The following ESRRA variants were observed in gnomAD, a reference collection of about 807,000 sequenced individuals.
ESRRA encodes the protein steroid hormone receptor ERR1.
A neutral mutation model predicts 35.6 loss-of-function variants in ESRRA; 7 were observed. The ratio of observed to expected loss-of-function variants is 0.20; its 90% CI spans 0.11 to 0.37. ESRRA has a LOEUF of 0.37. ESRRA is among the 10% of genes least tolerant of loss of function. ESRRA has a pLI of 1.00. For missense variants in ESRRA, 378 were observed against 561.7 expected, an observed-to-expected ratio of 0.67 and a Z score of 3.31; for synonymous variants, 223 against 246.9, an observed-to-expected ratio of 0.90 and a Z score of 0.91.
chr11:64,310,449 T>C (rs2035118071), intron 2 of ESRRA, among the ~76,000 whole-genome samples: 1 of 151,406 alleles, frequency 6.6e-6, no homozygotes, highest in African/African-American at 2.4e-5. Context: ...TTAGCCAAGA[T>C]GGTCTTGATT....
chr11:64,310,931 C>T (rs1462728895), intron 2 of ESRRA, among the ~76,000 whole-genome samples: 2 of 152,258 alleles, frequency 1.3e-5, no homozygotes, highest in East Asian at 1.9e-4. Flanking sequence ...GTGAGCCAGC[C>T]GGCCAGGGTG....
intron 2 of ESRRA, among the ~76,000 whole-genome samples, chr11:64,311,456 C>A (rs1374929108): frequency 6.6e-6 from 1 of 151,026 alleles, no homozygotes; most frequent in Non-Finnish European, 1.5e-5. Flanking sequence ...CGCTTTGTTG[C>A]CCAGGCTAGA....
chr11:64,311,841 C>A (rs1222828539), intron 2 of ESRRA, among the ~76,000 whole-genome samples: 1 of 151,444 alleles, frequency 6.6e-6, no homozygotes, highest in Non-Finnish European at 1.5e-5. Flanking sequence ...TACAGGCACA[C>A]GCCCAGCTAA....
In ESRRA at chr11:64,316,169, CT is replaced by C; in HGVS notation, c.*204del. ...CAGAAGCTGGGAACGTGTGTCCAGGCTCTGGGCACAGTGCTGCCCCTTGCAA... is the reference window on the plus strand; with the variant it reads ...CAGAAGCTGGGAACGTGTGTCCAGGCCTGGGCACAGTGCTGCCCCTTGCAA... On this transcript the variant is annotated 3_prime_UTR_variant, in exon 7 of 7. Transcript: ENST00000000442. 1 of 614,234 alleles carries C rather than the reference CT, an allele frequency of 1.6e-6. No individual in the cohort carries two copies. The highest frequency in any genetic ancestry group is 2.8e-6 in the Non-Finnish European group (1 of 357,626). The allele number at this position is 614,234 out of a possible 1,614,324, so 38.0% of individuals were successfully genotyped here.
chr11:64,307,105 G>A, intron 1 of ESRRA, 63 bp from the exon 2 acceptor site: 1 of 1,392,672 alleles, frequency 7.2e-7, no homozygotes, highest in Non-Finnish European at 9.7e-7. Context: ...AACCCGTGTG[G>A]CAGGGTGTCT....
intron 2 of ESRRA, among the ~76,000 whole-genome samples, chr11:64,310,785 C>T (rs764446064): frequency 4.0e-5 from 6 of 151,604 alleles, no homozygotes; most frequent in Non-Finnish European, 8.8e-5. Context: ...TGACCTCAGG[C>T]GATCTGCCCT....
Position 64,313,153 on chromosome 11 carries a change from G to A in ESRRA, c.326-798G>A, listed in dbSNP as rs926605050. 1.3e-5 allele frequency among the ~76,000 whole-genome samples: 2 copies of A among 152,188 alleles called. No individual in the cohort carries two copies. Among genetic ancestry groups the A allele is most frequent in the Admixed American group, 1.3e-4 (2 of 15,274 alleles). On this transcript the variant is annotated intron_variant, in intron 2 of 6. Coordinates refer to ENST00000000442, the MANE Select transcript of ESRRA (RefSeq NM_004451.5). The surrounding 1 kb of genome is among the most constrained non-coding windows in gnomAD (Gnocchi z 4.0). The stretch of plus-strand genomic sequence containing the variant: ...GGGTGGAAGTAGTTGCCAGGGGCAG[G>A]AGGCGGATTCTGGACCTTGGAGGAG...
Position 64,315,818 on chromosome 11 carries a change from G to T in ESRRA, c.1124G>T (p.Arg375Leu). 1.4e-6 allele frequency: 2 copies of T among 1,447,566 alleles called. No individual in the cohort carries two copies. Among genetic ancestry groups the T allele is most frequent in the South Asian group, 2.4e-5 (2 of 82,472 alleles). 89.7% of individuals were successfully genotyped at this position (1,447,566 alleles called of 1,614,324 possible). A position where few individuals can be genotyped will look rare whatever the true frequency, so the allele number is the denominator to read the frequency against. Reference protein sequence around the residue: ...GRAGPGGGAERRRAGRLLLTL... With the variant: ...GRAGPGGGAELRRAGRLLLTL... ...GCTGGCCCCGGAGGGGGTGCTGAGC[G>T]GCGGCGGGCGGGCAGGCTGCTGCTC... Residue 375 changes from arginine (R) to leucine (L), a missense_variant, in exon 7 of 7, where the codon CGG (arginine) becomes CTG (leucine). By Grantham distance (102) the Arg-to-Leu change is moderately radical. This residue lies in a region of ESRRA where 284 missense variants were observed against 411.7 expected (regional missense o/e 0.69). Transcript: ENST00000000442.
chr11:64,315,373 G>A (rs1230841057), intron 6 of ESRRA, 103 bp downstream of exon 6: 14 of 1,320,814 alleles, frequency 1.1e-5, no homozygotes, highest in Non-Finnish European at 1.4e-5. Context: ...CGAAAACTGA[G>A]GCTTAGGGAA....
chr11:64,308,215 A>G (rs193246834), intron 2 of ESRRA, among the ~76,000 whole-genome samples: 1 of 152,166 alleles, frequency 6.6e-6, no homozygotes, highest in Non-Finnish European at 1.5e-5. Context: ...ACCCAACTTT[A>G]AAAAGACTAA....
rs1194094001 is a variant in ESRRA, at chr11:64,314,095, G to T, written c.442+28G>T. ...GAGCGCTGGGCAGGGGCTGGGCGAG[G>T]GCTGGGGGAGTCGGGGACCCGGGCC... On this transcript the variant is annotated intron_variant, in intron 3 of 6. Coordinates refer to ENST00000000442, the MANE Select transcript of ESRRA (RefSeq NM_004451.5). 3 of 1,567,316 alleles carry T rather than the reference G, an allele frequency of 1.9e-6. No individual in the cohort carries two copies. The South Asian group carries it at 3.5e-5, about 18-fold the overall frequency.
In ESRRA at chr11:64,313,785, G is replaced by T; in HGVS notation, c.326-166G>T. 1 of 558,026 alleles carries T rather than the reference G, an allele frequency of 1.8e-6. No homozygotes were observed. The highest frequency in any genetic ancestry group is 3.2e-6 in the Non-Finnish European group (1 of 311,848). The allele number at this position is 558,026 out of a possible 1,614,324, so 34.6% of individuals were successfully genotyped here. A position where few individuals can be genotyped will look rare whatever the true frequency, so the allele number is the denominator to read the frequency against. ...TCCCTCATCCAGGCAGGGCTCCCCC[G>T]CCCAGCAGCCACTCCCCTCCCTGCC... On this transcript the variant is annotated intron_variant, in intron 2 of 6. Transcript: ENST00000000442. The surrounding 1 kb of genome is among the most constrained non-coding windows in gnomAD (Gnocchi z 4.0).
At chr11:64,309,954 AT>A (rs1399332026) in intron 2 of ESRRA, among the ~76,000 whole-genome samples, 6 of 149,250 alleles carry the variant, frequency 4.0e-5, no homozygotes, top group African/African-American at 1.2e-4. Flanking sequence ...AAAAAAAAAA[AT>A]CTTGAGTGCT....
At position 64,305,867 on chromosome 11, in the gene ESRRA, G is replaced by A. The variant is rs2035021349; in HGVS notation, c.-13+131G>A. 1 of 152,304 alleles carries A rather than the reference G, an allele frequency of 6.6e-6. No homozygotes were observed. The highest frequency in any genetic ancestry group is 2.4e-5 in the African/African-American group (1 of 41,408). The allele number at this position is 152,304 out of a possible 1,614,324, so 9.4% of individuals were successfully genotyped here. A position where few individuals can be genotyped will look rare whatever the true frequency, so the allele number is the denominator to read the frequency against. On this transcript the variant is annotated intron_variant, in intron 1 of 6. Transcript: ENST00000000442. This position sits in a 1 kb window ranked among gnomAD's most constrained non-coding sequence, Gnocchi z 5.8. ...CGACTCTGGGGCCAGTCCGGGCCAC[G>A]GTTGGGACCCAGTCGAGGGTCGGAC... is the stretch of plus-strand genomic sequence containing the variant.
At chr11:64,315,671 AG>A (rs1565378238) in intron 6 of ESRRA, 35 bp from the exon 7 acceptor site, 2 of 1,608,214 alleles carry the variant, frequency 1.2e-6, no homozygotes, top group Non-Finnish European at 1.7e-6. Flanking sequence ...TGCCAGAGAT[AG>A]CCCAGGCCAA....
Position 64,316,714 on chromosome 11 carries a change from G to A in ESRRA, c.*748G>A. On this transcript the variant is annotated 3_prime_UTR_variant, in exon 7 of 7. Transcript: ENST00000000442. ...GCTTTTGGTTTTAAACCTTTAATGA[G>A]AAAAAAATATATAATACCGAGCTCA... The A allele has an allele frequency of 3.2e-6, 2 of 631,766 alleles. No individual in the cohort carries two copies. Among genetic ancestry groups the A allele is most frequent in the Non-Finnish European group, 5.7e-6 (2 of 350,746 alleles). The allele number at this position is 631,766 out of a possible 1,614,324, so 39.1% of individuals were successfully genotyped here.
Position 64,316,119 on chromosome 11 carries a change from C to A in ESRRA, c.*153C>A. 1 of 870,354 alleles carries A rather than the reference C, an allele frequency of 1.1e-6. No individual in the cohort carries two copies. The highest frequency in any genetic ancestry group is 1.7e-6 in the Non-Finnish European group (1 of 572,026). 53.9% of individuals were successfully genotyped at this position (870,354 alleles called of 1,614,324 possible). A position where few individuals can be genotyped will look rare whatever the true frequency, so the allele number is the denominator to read the frequency against. On this transcript the variant is annotated 3_prime_UTR_variant, in exon 7 of 7. Coordinates refer to ENST00000000442, the MANE Select transcript of ESRRA (RefSeq NM_004451.5). ...AGCCCCTGGGAACAGGCCCCACGCC[C>A]TCTCCTCCCCCTCCTAGGGGGTGTC...
chr11:64,315,967 G>A lies in ESRRA; in HGVS notation c.*1G>A, dbSNP rs373632323. On this transcript the variant is annotated 3_prime_UTR_variant, in exon 7 of 7. Coordinates refer to ENST00000000442, the MANE Select transcript of ESRRA (RefSeq NM_004451.5). ...GATGCTCGAGGCCATGATGGACTGA[G>A]GCAAGGGGTGGGACTGGTGGGGGTT... The A allele has an allele frequency of 9.6e-6, 15 of 1,561,546 alleles. No individual in the cohort carries two copies. In the South Asian group the frequency reaches 1.2e-4, roughly 13 times the overall value.
In ESRRA at chr11:64,307,214, A is replaced by C. The variant is rs745675889; in HGVS notation, c.35A>C (p.Tyr12Ser). ...CAGGTGGTGGGCATTGAGCCTCTCT[A>C]CATCAAGGCAGAGCCGGCCAGCCCT... ...SSQVVGIEPL[Y>S]IKAEPASPDS... The change falls in exon 2 of 7, where the codon TAC becomes TCC. Residue 12 changes from tyrosine to serine, a missense_variant. Physicochemically the swap from Tyr to Ser is moderately radical, Grantham distance 144. Transcript: ENST00000000442. 12 of 1,606,456 alleles carry C rather than the reference A, an allele frequency of 7.5e-6. No individual in the cohort carries two copies. The highest frequency in any genetic ancestry group is 1.0e-5 in the Non-Finnish European group (12 of 1,175,146).
Sources: allele counts gnomAD v4.1 joint callset (sites outside exome capture counted in the v4.1 genomes callset), GRCh38; gene constraint gnomAD v4.1.1; regional missense constraint gnomAD v4.1.1; non-coding constraint Gnocchi (gnomAD v3.1); transcripts MANE v1.5; gene names NCBI Gene and HGNC (gene_info 2026-07-23, HGNC 2026-07-21).